STK4: variants seen among roughly 807,000 people sequenced by gnomAD.
The protein encoded by STK4 is serine/threonine kinase 4, also known as serine/threonine-protein kinase 4.
STK4 carries 30 observed loss-of-function variants against 64.9 expected under a neutral mutation model. That is an observed-to-expected ratio of 0.46 (90% CI 0.35 to 0.63). The LOEUF (loss-of-function observed/expected upper bound fraction) is 0.63. Ranked by LOEUF, STK4 falls within the 20% of genes least tolerant of loss-of-function variation. The pLI is 0.01. For synonymous variants in STK4, 177 were observed against 199.0 expected, an observed-to-expected ratio of 0.89 and a Z score of 0.93; for missense variants, 466 against 598.5, an observed-to-expected ratio of 0.78 and a Z score of 2.31.
chr20:44,991,262 C>T (rs1358219861), intron 5 of STK4, among the ~76,000 whole-genome samples: 1 of 152,140 alleles, frequency 6.6e-6, no homozygotes, highest in African/African-American at 2.4e-5. Context: ...ATGTTGGGTG[C>T]CCATTAAGGT....
chr20:44,972,140 TA>T lies in STK4; in HGVS notation c.99del (p.Glu34ArgfsTer37), dbSNP rs1256072386. On this transcript the variant is annotated frameshift_variant, in exon 2 of 11. Transcript: ENST00000372806. LOFTEE classifies it high-confidence loss of function. ...TKQPEEVFDVLEKLGEGSYGS... is the reference protein window; with the variant it reads ...TKQPEEVFDVXEKLGEGSYGS... ...CAACCAGAAGAAGTATTTGATGTCT[TA>T]GAGAAACTTGGAGAAGGGTGAGTGT... 1.2e-6 allele frequency: 2 copies of T among 1,613,874 alleles called. No individual in the cohort carries two copies. The highest frequency in any genetic ancestry group is 8.5e-7 in the Non-Finnish European group (1 of 1,179,900).
intron 6 of STK4, 131 bp downstream of exon 6, chr20:44,995,388 C>G: frequency 8.9e-7 from 1 of 1,122,780 alleles, no homozygotes; most frequent in Non-Finnish European, 1.2e-6. Flanking sequence ...GATGGATCAC[C>G]AGAGGTCAGG....
At chr20:45,025,769 G>A (rs1296683761) in intron 10 of STK4, among the ~76,000 whole-genome samples, 5 of 152,040 alleles carry the variant, frequency 3.3e-5, no homozygotes, top group African/African-American at 4.8e-5. Flanking sequence ...TTTCTCTTCA[G>A]GAGCTTTTTA....
intron 5 of STK4, among the ~76,000 whole-genome samples, chr20:44,991,672 T>G (rs1162073755): frequency 6.6e-6 from 1 of 152,096 alleles, no homozygotes; most frequent in East Asian, 1.9e-4. Context: ...TTTTTTTTTT[T>G]GTTTTTGGGA....
chr20:45,028,078 T>C (rs2068383397), intron 10 of STK4, among the ~76,000 whole-genome samples: 1 of 152,244 alleles, frequency 6.6e-6, no homozygotes, highest in African/African-American at 2.4e-5. Flanking sequence ...TAGGAGAGTT[T>C]AGATATCTTG....
At position 45,064,113 on chromosome 20, in the gene STK4, G is replaced by C. The variant is rs562923957; in HGVS notation, c.1306-10905G>C. ...GTGAGCCACTGCGCCCGGCCAAGGG[G>C]GGGGGTCCAGTTTTAATCTTCTGCA... On this transcript the variant is annotated intron_variant, in intron 10 of 10. Coordinates refer to ENST00000372806, the MANE Select transcript of STK4 (RefSeq NM_006282.5). 5.9e-5 allele frequency among the ~76,000 whole-genome samples: 9 copies of C among 152,034 alleles called. 1 individual carries two copies. Among genetic ancestry groups the C allele is most frequent in the South Asian group, 4.1e-4 (2 of 4,822 alleles).
At chr20:44,986,114 AC>A (rs2067526324) in intron 4 of STK4, among the ~76,000 whole-genome samples, 1 of 152,202 alleles carries the variant, frequency 6.6e-6, no homozygotes, top group African/African-American at 2.4e-5. Context: ...ACAAAAGTAA[AC>A]AAATCAGACA....
chr20:45,059,370 G>A (rs189849688), intron 10 of STK4, among the ~76,000 whole-genome samples: 2 of 152,284 alleles, frequency 1.3e-5, no homozygotes, highest in East Asian at 3.9e-4. Context: ...TTCGGCATAT[G>A]TGAATTGCCA....
intron 5 of STK4, among the ~76,000 whole-genome samples, chr20:44,987,500 T>G (rs930460158): frequency 6.6e-6 from 1 of 152,186 alleles, no homozygotes; most frequent in Non-Finnish European, 1.5e-5. Flanking sequence ...CTTAACTTTG[T>G]TCAACTTTTA....
At chr20:45,061,660 TG>T (rs1181166942) in intron 10 of STK4, among the ~76,000 whole-genome samples, 2 of 150,872 alleles carry the variant, frequency 1.3e-5, no homozygotes, top group Non-Finnish European at 2.9e-5. Flanking sequence ...ATAGGTAAAC[TG>T]CATGTCTCTG....
At chr20:45,049,014 T>G (rs1696000900) in intron 10 of STK4, among the ~76,000 whole-genome samples, 1 of 152,242 alleles carries the variant, frequency 6.6e-6, no homozygotes, top group East Asian at 1.9e-4. Flanking sequence ...TCAAAACAGT[T>G]TTTTCCTGAT....
chr20:45,052,910 G>A (rs561861198), intron 10 of STK4, among the ~76,000 whole-genome samples: 2 of 152,318 alleles, frequency 1.3e-5, no homozygotes, highest in African/African-American at 4.8e-5. Flanking sequence ...GCTTTTTACT[G>A]AAGTAGTCCT....
chr20:45,056,960 C>A (rs143424516), intron 10 of STK4, among the ~76,000 whole-genome samples: 1 of 152,362 alleles, frequency 6.6e-6, no homozygotes, highest in Admixed American at 6.5e-5. Context: ...TCTGGGCAAG[C>A]CGTCGTTTAC....
intron 1 of STK4, among the ~76,000 whole-genome samples, chr20:44,970,887 A>ATT (rs961665124): frequency 2.3e-5 from 3 of 133,262 alleles, no homozygotes; most frequent in Non-Finnish European, 3.2e-5. Flanking sequence ...GAAGGTACAC[A>ATT]TTTGTGTGTG....
In STK4 at chr20:45,042,962, C is replaced by A. The variant is rs945015185; in HGVS notation, c.1305+17832C>A. Among the ~76,000 whole-genome samples the A allele has an allele frequency of 2.0e-5, 3 of 152,096 alleles. No individual in the cohort carries two copies. In the East Asian group the frequency reaches 5.8e-4, roughly 29 times the overall value. ...TCATGCCATCACTTAGGTATTAAGC[C>A]CAGCATCCATTAGCTATTCTTCCTG... On this transcript the variant is annotated intron_variant, in intron 10 of 10. Coordinates refer to ENST00000372806, the MANE Select transcript of STK4 (RefSeq NM_006282.5).
At chr20:45,068,650 C>T (rs1979794993) in intron 10 of STK4, among the ~76,000 whole-genome samples, 2 of 152,138 alleles carry the variant, frequency 1.3e-5, no homozygotes, top group Non-Finnish European at 2.9e-5. Context: ...TTCCAGAAAC[C>T]CTTCATGTTT....
intron 4 of STK4, among the ~76,000 whole-genome samples, chr20:44,984,010 G>A (rs748602608): frequency 8.6e-5 from 13 of 151,620 alleles, no homozygotes; most frequent in Non-Finnish European, 1.6e-4. Flanking sequence ...ATTAAACATT[G>A]GATTTCAGGG....
At chr20:45,027,635 C>A (rs1241081640) in intron 10 of STK4, among the ~76,000 whole-genome samples, 1 of 152,012 alleles carries the variant, frequency 6.6e-6, no homozygotes, top group Non-Finnish European at 1.5e-5. Flanking sequence ...CATTATAAAT[C>A]TTCAGCCGTT....
intron 10 of STK4, among the ~76,000 whole-genome samples, chr20:45,040,384 G>A (rs2068593947): frequency 6.6e-6 from 1 of 152,026 alleles, no homozygotes; most frequent in African/African-American, 2.4e-5. Flanking sequence ...ATATAACCAG[G>A]GATTTTTTTT....
Sources: allele counts gnomAD v4.1 joint callset (sites outside exome capture counted in the v4.1 genomes callset), GRCh38; gene constraint gnomAD v4.1.1; transcripts MANE v1.5; gene names NCBI Gene and HGNC (gene_info 2026-07-23, HGNC 2026-07-21).